GNG7: variants seen among roughly 807,000 people sequenced by gnomAD.
GNG7 encodes the protein G protein subunit gamma 7, also known as guanine nucleotide-binding protein G(I)/G(S)/G(O) subunit gamma-7.
GNG7 carries 1 observed loss-of-function variant against 4.0 expected under a neutral mutation model. The ratio of observed to expected loss-of-function variants is 0.25; its 90% CI spans 0.09 to 1.18. The LOEUF (loss-of-function observed/expected upper bound fraction) is 1.18. Among genes scored for constraint, GNG7 ranks in the 50% most tolerant of loss-of-function variants. The probability of loss-of-function intolerance (pLI) is 0.50; values close to 1 mark genes in which losing one functional copy is unlikely to be tolerated. For missense variants in GNG7, 86 were observed against 91.9 expected (o/e 0.94, Z 0.26); for synonymous variants, 34 against 36.9 (o/e 0.92, Z 0.29).
At chr19:2,602,510 A>C (rs1163689489) in intron 2 of GNG7, among the ~76,000 whole-genome samples, 1 of 152,232 alleles carries the variant, frequency 6.6e-6, no homozygotes, top group Non-Finnish European at 1.5e-5. Flanking sequence ...CAGAAGCAGC[A>C]GGTTCTGCCA....
At chr19:2,640,904 C>G (rs1223159776) in intron 2 of GNG7, among the ~76,000 whole-genome samples, 1 of 152,246 alleles carries the variant, frequency 6.6e-6, no homozygotes, top group African/African-American at 2.4e-5. Context: ...GCTGCGATGA[C>G]AGGCGTGAGC....
intron 1 of GNG7, among the ~76,000 whole-genome samples, chr19:2,699,835 C>T (rs1484787013): frequency 1.3e-5 from 2 of 152,142 alleles, no homozygotes; most frequent in Non-Finnish European, 2.9e-5. Context: ...CCCAGACGCA[C>T]CCCATGAACT....
intron 1 of GNG7, among the ~76,000 whole-genome samples, chr19:2,699,467 T>C (rs1913348451): frequency 1.3e-5 from 2 of 152,150 alleles, no homozygotes; most frequent in African/African-American, 4.8e-5. Flanking sequence ...GCATTTCTAA[T>C]GTTTTCTAAA....
rs1268852545 is a variant in GNG7 at position 2,647,889 on chromosome 19, G to C, written c.-134-1609C>G. ...CTAAAAATACAAAAATTAGCCAGGT[G>C]TGGTGGTGGGCGCCCGTAATCCCAG... On this transcript the variant is annotated intron_variant, in intron 1 of 4. Transcript: ENST00000382159. Among the ~76,000 whole-genome samples the C allele has an allele frequency of 4.0e-5, 6 of 151,888 alleles. No homozygotes were observed. The East Asian group carries it at 1.2e-3, about 29-fold the overall frequency.
chr19:2,610,859 T>G (rs914109841), intron 2 of GNG7: 1 of 151,392 alleles, frequency 6.6e-6, no homozygotes, highest in African/African-American at 2.4e-5. Context: ...TGGGATACGT[T>G]TCTCCCAGGC....
At chr19:2,537,313 A>G (rs892666544) in intron 3 of GNG7, among the ~76,000 whole-genome samples, 4 of 150,376 alleles carry the variant, frequency 2.7e-5, no homozygotes, top group Admixed American at 2.6e-4. Flanking sequence ...TGGTGCAATC[A>G]TAGCTCACTG....
intron 2 of GNG7, among the ~76,000 whole-genome samples, chr19:2,644,842 T>A (rs189338556): frequency 2.3e-4 from 35 of 152,278 alleles, no homozygotes; most frequent in Non-Finnish European, 2.9e-5. Flanking sequence ...ATGGTGTGGA[T>A]GGAGGATGTT....
At chr19:2,608,016 C>A (rs1018024200) in intron 2 of GNG7, among the ~76,000 whole-genome samples, 1 of 142,540 alleles carries the variant, frequency 7.0e-6, no homozygotes, top group African/African-American at 2.6e-5. Context: ...AGACGCAGCT[C>A]TTTGAGGGAG....
chr19:2,544,261 C>G (rs1347973242), intron 3 of GNG7, among the ~76,000 whole-genome samples: 1 of 152,174 alleles, frequency 6.6e-6, no homozygotes, highest in Non-Finnish European at 1.5e-5. Flanking sequence ...CTGTGAGGAA[C>G]AAGTCGCCTT....
At chr19:2,597,376 C>T (rs535760701) in intron 2 of GNG7, among the ~76,000 whole-genome samples, 3 of 152,282 alleles carry the variant, frequency 2.0e-5, no homozygotes, top group South Asian at 4.2e-4. Context: ...GCAGGCGGAT[C>T]ACCTAAGGTC....
chr19:2,623,287 T>G (rs1981930713), intron 2 of GNG7, among the ~76,000 whole-genome samples: 1 of 152,072 alleles, frequency 6.6e-6, no homozygotes, highest in African/African-American at 2.4e-5. Flanking sequence ...GCCACTGCAC[T>G]CCAGCCTGGG....
intron 1 of GNG7, among the ~76,000 whole-genome samples, chr19:2,691,411 T>C (rs975216943): frequency 1.3e-5 from 2 of 151,670 alleles, no homozygotes; most frequent in African/African-American, 2.4e-5. Flanking sequence ...AGTCGTGGTG[T>C]TACATGCTTA....
intron 1 of GNG7, among the ~76,000 whole-genome samples, chr19:2,677,253 A>ATTAT (rs111712870): frequency 1.0e-4 from 15 of 145,508 alleles, no homozygotes; most frequent in African/African-American, 3.6e-4. Flanking sequence ...AGAGAATTCC[A>ATTAT]TTTTTTTTTT....
At position 2,653,934 on chromosome 19, in the gene GNG7, G is replaced by A. The variant is rs1982893893; in HGVS notation, c.-134-7654C>T. ...AGAGGCGAGGGGACAGCTCTCGCCT[G>A]CCTCGGCGAGCCCGGGTTCCAGAAG... On this transcript the variant is annotated intron_variant, in intron 1 of 4. Coordinates refer to ENST00000382159, the MANE Select transcript of GNG7 (RefSeq NM_052847.3). This position sits in a 1 kb window ranked among gnomAD's most constrained non-coding sequence, Gnocchi z 4.8. 6.6e-6 allele frequency among the ~76,000 whole-genome samples: 1 copy of A among 152,222 alleles called. No homozygotes were observed. Among genetic ancestry groups the A allele is most frequent in the African/African-American group, 2.4e-5 (1 of 41,468 alleles).
At position 2,601,234 on chromosome 19, in the gene GNG7, C is replaced by G. The variant is rs376735303; in HGVS notation, c.-78+44990G>C. 4.6e-4 allele frequency among the ~76,000 whole-genome samples: 70 copies of G among 152,288 alleles called. No homozygotes were observed. The South Asian group carries it at 0.014, about 30-fold the overall frequency. ...TGTGTTCTTTGCATCCATTCTAGTT[C>G]CATCCAGATGGCCCGGGGTACAGCT... On this transcript the variant is annotated intron_variant, in intron 2 of 4. Coordinates refer to ENST00000382159, the MANE Select transcript of GNG7 (RefSeq NM_052847.3).
At chr19:2,541,561 C>T (rs1978963188) in intron 3 of GNG7, among the ~76,000 whole-genome samples, 1 of 151,740 alleles carries the variant, frequency 6.6e-6, no homozygotes, top group African/African-American at 2.4e-5. Flanking sequence ...GGTGAAACCC[C>T]GTCTCTACTA....
chr19:2,527,401 G>T (rs1350922553), intron 3 of GNG7, among the ~76,000 whole-genome samples: 1 of 152,194 alleles, frequency 6.6e-6, no homozygotes, highest in Non-Finnish European at 1.5e-5. Flanking sequence ...CTGGGTTCCT[G>T]CCTGGAGGCA....
At chr19:2,533,304 G>A (rs1010126819) in intron 3 of GNG7, among the ~76,000 whole-genome samples, 1 of 151,114 alleles carries the variant, frequency 6.6e-6, no homozygotes, top group African/African-American at 2.4e-5. Flanking sequence ...AGCAACAGAA[G>A]CTGGATATTA....
chr19:2,543,880 G>T (rs1398057358), intron 3 of GNG7, among the ~76,000 whole-genome samples: 1 of 152,140 alleles, frequency 6.6e-6, no homozygotes, highest in Non-Finnish European at 1.5e-5. Context: ...CAGCAGCAAC[G>T]TGAGAACAGA....
Sources: allele counts gnomAD v4.1 joint callset (sites outside exome capture counted in the v4.1 genomes callset), GRCh38; gene constraint gnomAD v4.1.1; non-coding constraint Gnocchi (gnomAD v3.1); transcripts MANE v1.5; gene names NCBI Gene and HGNC (gene_info 2026-07-23, HGNC 2026-07-21).